RYR2: variants seen among roughly 807,000 people sequenced by gnomAD.
RYR2 encodes cardiac muscle ryanodine receptor-calcium release channel.
In RYR2, 227 loss-of-function variants were observed where a neutral mutation model predicts 601.1. The ratio of observed to expected loss-of-function variants is 0.38; its 90% CI spans 0.34 to 0.42. RYR2 has a LOEUF of 0.42. RYR2 is among the 10% of genes least tolerant of loss of function. The pLI, the probability that RYR2 is intolerant of heterozygous loss-of-function variation, is 1.00. For missense variants in RYR2, 4,646 were observed against 6,156.5 expected, an observed-to-expected ratio of 0.75 and a Z score of 8.21; for synonymous variants, 2,223 against 2,175.1, an observed-to-expected ratio of 1.02 and a Z score of -0.61.
rs117072498 is a variant in RYR2, at chr1:237,356,978, A to G, written c.294+993A>G. On this transcript the variant is annotated intron_variant, in intron 4 of 104. Coordinates refer to ENST00000366574, the MANE Select transcript of RYR2 (RefSeq NM_001035.3). ...TTTAGGATCCAACTTTCTTGATGCAATATTTTGAGAATTTTGCCATCTTTT... is the reference window on the plus strand; with the variant it reads ...TTTAGGATCCAACTTTCTTGATGCAGTATTTTGAGAATTTTGCCATCTTTT... Among the ~76,000 whole-genome samples, 48 of 152,170 alleles carry G rather than the reference A, an allele frequency of 3.2e-4. No individual in the cohort carries two copies. The East Asian group carries it at 7.3e-3, about 23-fold the overall frequency.
chr1:237,092,508 G>A (rs1430695777), intron 1 of RYR2, among the ~76,000 whole-genome samples: 3 of 141,890 alleles, frequency 2.1e-5, no homozygotes, highest in Non-Finnish European at 4.5e-5. Context: ...ACAGATCACA[G>A]ATAGTCTTTT....
In RYR2 at chr1:237,819,889, T is replaced by C. The variant is rs1662256227; in HGVS notation, c.14590+697T>C. Among the ~76,000 whole-genome samples the C allele has an allele frequency of 1.3e-5, 2 of 151,860 alleles. No individual in the cohort carries two copies. Among genetic ancestry groups the C allele is most frequent in the Admixed American group, 1.3e-4 (2 of 15,240 alleles). On this transcript the variant is annotated intron_variant, in intron 101 of 104. Transcript: ENST00000366574. This position sits in a 1 kb window ranked among gnomAD's most constrained non-coding sequence, Gnocchi z 4.0. The stretch of plus-strand genomic sequence containing the variant: ...CTAAGCCCTGTGGTTGTTGAGATTT[T>C]TAAAAATGACATACAGGCCAGGCGC...
chr1:237,065,260 T>C (rs1663424385), intron 1 of RYR2, among the ~76,000 whole-genome samples: 1 of 138,290 alleles, frequency 7.2e-6, no homozygotes, highest in Admixed American at 8.4e-5. Flanking sequence ...AGAGCTCTTG[T>C]GTGCTATCCT....
intron 4 of RYR2, among the ~76,000 whole-genome samples, chr1:237,364,039 T>C (rs1284624155): frequency 1.3e-5 from 2 of 152,198 alleles, no homozygotes; most frequent in East Asian, 1.9e-4. Flanking sequence ...AGAGGATCAA[T>C]TTTTAAGATG....
At chr1:237,054,484 A>G in intron 1 of RYR2, among the ~76,000 whole-genome samples, 1 of 152,094 alleles carries the variant, frequency 6.6e-6, no homozygotes, top group East Asian at 1.9e-4. Context: ...TAAATTGTGG[A>G]AAACTGATAG....
chr1:237,636,625 C>G (rs1166695745), intron 44 of RYR2, among the ~76,000 whole-genome samples: 1 of 152,180 alleles, frequency 6.6e-6, no homozygotes, highest in East Asian at 1.9e-4. Context: ...AGTTCCTTAA[C>G]AAATTAAACA....
rs1028768310 is a variant in RYR2, at chr1:237,384,350, G to A, written c.577-2931G>A. Among the ~76,000 whole-genome samples the A allele has an allele frequency of 3.9e-5, 6 of 152,296 alleles. No individual in the cohort carries two copies. The East Asian group carries it at 7.7e-4, about 20-fold the overall frequency. On this transcript the variant is annotated intron_variant, in intron 8 of 104. Transcript: ENST00000366574. Reference sequence around the variant, plus strand: ...CTAAAATCAAGGTCGTTGGTTTGGCGCCAGCCTTTGTCTGTGGACCTATCA... The same window carrying A: ...CTAAAATCAAGGTCGTTGGTTTGGCACCAGCCTTTGTCTGTGGACCTATCA...
intron 80 of RYR2, among the ~76,000 whole-genome samples, chr1:237,745,369 T>A (rs1691984676): frequency 6.6e-6 from 1 of 152,162 alleles, no homozygotes; most frequent in East Asian, 1.9e-4. Context: ...TGTGAATTGT[T>A]GAGGGATGAA....
At chr1:237,450,794 T>C (rs1192873272) in intron 14 of RYR2, among the ~76,000 whole-genome samples, 1 of 152,160 alleles carries the variant, frequency 6.6e-6, no homozygotes, top group Non-Finnish European at 1.5e-5. Context: ...TAACAATGTC[T>C]CTCCCTTGTG....
chr1:237,426,264 C>T (rs923872203), intron 12 of RYR2, among the ~76,000 whole-genome samples: 1 of 152,054 alleles, frequency 6.6e-6, no homozygotes, highest in Admixed American at 6.6e-5. Context: ...CAGGGTAGGT[C>T]TTTATTCTCC....
chr1:237,730,379 A>C, intron 77 of RYR2, 23 bp downstream of exon 77: 2 of 1,262,162 alleles, frequency 1.6e-6, no homozygotes, highest in East Asian at 4.6e-5. Flanking sequence ...TGGGGCTCTA[A>C]GATGAAAGAG....
intron 27 of RYR2, among the ~76,000 whole-genome samples, chr1:237,551,694 A>G (rs1217836524): frequency 6.6e-6 from 1 of 152,224 alleles, no homozygotes; most frequent in Non-Finnish European, 1.5e-5. Context: ...GGAAAGTTTT[A>G]AAAATGTATT....
chr1:237,710,699 G>GTAGGTAGATAGATAGA, intron 70 of RYR2, among the ~76,000 whole-genome samples: 1 of 150,644 alleles, frequency 6.6e-6, no homozygotes, highest in Middle Eastern at 3.4e-3. Context: ...GATTAGGTAT[G>GTAGGTAGATAGATAGA]TAGATAGATA....
intron 16 of RYR2, among the ~76,000 whole-genome samples, chr1:237,461,249 A>G (rs1405705965): frequency 6.6e-6 from 1 of 152,218 alleles, no homozygotes; most frequent in East Asian, 1.9e-4. Context: ...CATCTGGTAT[A>G]CAGCTAAATA....
At chr1:237,102,355 C>G (rs561950500) in intron 1 of RYR2, among the ~76,000 whole-genome samples, 2 of 152,278 alleles carry the variant, frequency 1.3e-5, no homozygotes, top group East Asian at 3.9e-4. Flanking sequence ...CACCTGCCAT[C>G]CTGCATGCAG....
intron 1 of RYR2, among the ~76,000 whole-genome samples, chr1:237,215,105 A>G (rs1292542272): frequency 1.3e-5 from 2 of 152,208 alleles, no homozygotes; most frequent in South Asian, 4.1e-4. Context: ...GTCATGTAGT[A>G]TATCTTCCTT....
intron 35 of RYR2, among the ~76,000 whole-genome samples, chr1:237,608,071 T>G (rs1367219633): frequency 6.6e-6 from 1 of 152,208 alleles, no homozygotes; most frequent in African/African-American, 2.4e-5. Context: ...GATTAAAATT[T>G]TCATCATCAA....
At chr1:237,715,449 G>A (rs1455770640) in intron 71 of RYR2, among the ~76,000 whole-genome samples, 1 of 152,154 alleles carries the variant, frequency 6.6e-6, no homozygotes, top group African/African-American at 2.4e-5. Flanking sequence ...TTCTTCTGGG[G>A]TGGAAAGCAA....
intron 3 of RYR2, among the ~76,000 whole-genome samples, chr1:237,340,278 A>G (rs1350487306): frequency 6.6e-6 from 1 of 152,200 alleles, no homozygotes; most frequent in East Asian, 1.9e-4. Context: ...TCTCATTCGT[A>G]CAGTGTTCAT....
Sources: gnomAD v4.1 joint callset for allele counts (sites outside exome capture counted in the v4.1 genomes callset) on GRCh38, gnomAD v4.1.1 for gene constraint, Gnocchi (gnomAD v3.1) non-coding constraint, MANE v1.5 for transcripts, NCBI Gene and HGNC (gene_info 2026-07-23, HGNC 2026-07-21) for gene names.